Variants in KCNMB2 observed in about 807,000 individuals in gnomAD.
The protein encoded by KCNMB2 is calcium-activated potassium channel subunit beta-2.
In KCNMB2, 9 loss-of-function variants were observed where a neutral mutation model predicts 24.5. The observed-to-expected ratio is 0.37, with a 90% CI of 0.22 to 0.64. KCNMB2 has a LOEUF of 0.64. KCNMB2 is among the 30% of genes least tolerant of loss of function. The probability of loss-of-function intolerance (pLI) is 0.63; values close to 1 mark genes in which losing one functional copy is unlikely to be tolerated. For missense variants in KCNMB2, 226 were observed against 284.3 expected (o/e 0.79, Z 1.47); for synonymous variants, 109 against 104.4 (o/e 1.04, Z -0.27).
chr3:178,830,291 C>T (rs1715004407), intron 4 of KCNMB2, among the ~76,000 whole-genome samples: 1 of 152,116 alleles, frequency 6.6e-6, no homozygotes, highest in African/African-American at 2.4e-5. Context: ...GGTTACAGTT[C>T]ATTCATTTTC....
At chr3:178,778,495 CA>C (rs1414332819) in intron 1 of KCNMB2, among the ~76,000 whole-genome samples, 3 of 134,984 alleles carry the variant, frequency 2.2e-5, no homozygotes, top group Non-Finnish European at 3.2e-5. Flanking sequence ...CACACACACA[CA>C]CACACACCTG....
At chr3:178,760,543 T>C (rs1711808734) in intron 1 of KCNMB2, among the ~76,000 whole-genome samples, 1 of 148,076 alleles carries the variant, frequency 6.8e-6, no homozygotes, top group Non-Finnish European at 1.5e-5. Context: ...TGTTTGTGTA[T>C]ACCACAATTT....
rs528382947 is a variant in KCNMB2 at position 178,739,240 on chromosome 3, G to A, written c.-67-68103G>A. Among the ~76,000 whole-genome samples, 15 of 152,110 alleles carry A rather than the reference G, an allele frequency of 9.9e-5. No homozygotes were observed. In the South Asian group the frequency reaches 1.0e-3, roughly 11 times the overall value. ...TCACTTAACCTCTCAGTCAGCTTCC[G>A]CATCTATAAAACTAGAACAAAAACA... On this transcript the variant is annotated intron_variant, in intron 1 of 4. Transcript: ENST00000452583.
At chr3:178,571,758 C>T (rs936931756) in intron 1 of KCNMB2, among the ~76,000 whole-genome samples, 3 of 151,888 alleles carry the variant, frequency 2.0e-5, no homozygotes, top group African/African-American at 7.3e-5. Context: ...TGTTCAACTC[C>T]CAATTACGAA....
chr3:178,574,622 C>G (rs995347096), intron 1 of KCNMB2, among the ~76,000 whole-genome samples: 7 of 152,180 alleles, frequency 4.6e-5, no homozygotes, highest in Admixed American at 2.0e-4. Flanking sequence ...GGATCGGCTG[C>G]CCTTGAGTCG....
chr3:178,763,315 C>T (rs1711987780), intron 1 of KCNMB2, among the ~76,000 whole-genome samples: 1 of 152,008 alleles, frequency 6.6e-6, no homozygotes, highest in African/African-American at 2.4e-5. Context: ...TGCTGCTGTA[C>T]AGGAGCAGAA....
chr3:178,658,510 C>T (rs891377614), intron 1 of KCNMB2, among the ~76,000 whole-genome samples: 1 of 152,206 alleles, frequency 6.6e-6, no homozygotes, highest in African/African-American at 2.4e-5. Flanking sequence ...CTCCAAGAAG[C>T]TTTTTCTTAC....
At chr3:178,634,815 C>T (rs367770066) in intron 1 of KCNMB2, among the ~76,000 whole-genome samples, 11 of 152,106 alleles carry the variant, frequency 7.2e-5, no homozygotes, top group African/African-American at 2.7e-4. Context: ...TGCCTATGAC[C>T]CTGAAGGCCT....
intron 1 of KCNMB2, among the ~76,000 whole-genome samples, chr3:178,737,491 G>A (rs1053432165): frequency 1.3e-5 from 2 of 152,158 alleles, no homozygotes; most frequent in Non-Finnish European, 2.9e-5. Flanking sequence ...TTACATTACA[G>A]CACATTGTTA....
At chr3:178,756,101 T>A (rs1724026752) in intron 1 of KCNMB2, among the ~76,000 whole-genome samples, 1 of 152,120 alleles carries the variant, frequency 6.6e-6, no homozygotes. Context: ...GGAAAGATGA[T>A]CATAATGAAA....
intron 1 of KCNMB2, chr3:178,795,363 T>A (rs1486808491): frequency 6.6e-6 from 1 of 152,194 alleles, no homozygotes; most frequent in Non-Finnish European, 1.5e-5. Context: ...CATGGTGAGG[T>A]AAGCAAGAAA....
At chr3:178,743,855 G>A (rs1294996029) in intron 1 of KCNMB2, among the ~76,000 whole-genome samples, 4 of 152,182 alleles carry the variant, frequency 2.6e-5, no homozygotes, top group Non-Finnish European at 2.9e-5. Flanking sequence ...TGGCTTCATC[G>A]ACCGCTGGTC....
chr3:178,589,017 C>T (rs1479383914), intron 1 of KCNMB2, among the ~76,000 whole-genome samples: 1 of 152,216 alleles, frequency 6.6e-6, no homozygotes, highest in Non-Finnish European at 1.5e-5. Flanking sequence ...TCAGGCTTAA[C>T]TCAAACACTA....
intron 1 of KCNMB2, among the ~76,000 whole-genome samples, chr3:178,806,269 G>A (rs956605355): frequency 3.3e-5 from 5 of 152,116 alleles, no homozygotes; most frequent in African/African-American, 1.2e-4. Context: ...TTAGAACCTG[G>A]AAATAATATC....
intron 1 of KCNMB2, among the ~76,000 whole-genome samples, chr3:178,654,816 A>G (rs1001993184): frequency 3.9e-5 from 6 of 152,194 alleles, no homozygotes; most frequent in Admixed American, 1.3e-4. Flanking sequence ...ATGGTATCAC[A>G]TACTTGTTTA....
chr3:178,605,274 A>G (rs370758861), intron 1 of KCNMB2, among the ~76,000 whole-genome samples: 1 of 152,134 alleles, frequency 6.6e-6, no homozygotes, highest in Admixed American at 6.6e-5. Context: ...AGATGACCAG[A>G]CACTAAATCT....
chr3:178,601,340 T>A (rs1301261815), intron 1 of KCNMB2, among the ~76,000 whole-genome samples: 1 of 152,066 alleles, frequency 6.6e-6, no homozygotes, highest in Non-Finnish European at 1.5e-5. Context: ...AACTTAAGTA[T>A]AATAAAAATA....
At chr3:178,564,867 C>T (rs577617551) in intron 1 of KCNMB2, among the ~76,000 whole-genome samples, 1 of 152,204 alleles carries the variant, frequency 6.6e-6, no homozygotes, top group East Asian at 1.9e-4. Flanking sequence ...GTGCAATTTT[C>T]CTCATTGCAG....
chr3:178,825,741 G>C lies in KCNMB2; in HGVS notation c.210G>C (p.Leu70=). 1.2e-6 allele frequency: 2 copies of C among 1,613,160 alleles called. No individual in the cohort carries two copies. The highest frequency in any genetic ancestry group is 1.7e-6 in the Non-Finnish European group (2 of 1,179,312). ...MMYFLLGITL[L]RSYMQSVWTE... ...ATTTTCTGCTGGGAATCACACTCCTGCGCTCATACATGCAGAGGTAATACC... is the reference window on the plus strand; with the variant it reads ...ATTTTCTGCTGGGAATCACACTCCTCCGCTCATACATGCAGAGGTAATACC... Residue 70 remains leucine, a synonymous_variant, in exon 3 of 5, where the codon CTG becomes CTC. Transcript: ENST00000452583.
Sources: gnomAD v4.1 joint callset for allele counts (sites outside exome capture counted in the v4.1 genomes callset) on GRCh38, gnomAD v4.1.1 for gene constraint, MANE v1.5 for transcripts, NCBI Gene and HGNC (gene_info 2026-07-23, HGNC 2026-07-21) for gene names.